The following NUTM1 variants were observed in gnomAD, a reference collection of about 807,000 sequenced individuals.
NUTM1 encodes NUT family member 1.
A neutral mutation model predicts 88.7 loss-of-function variants in NUTM1; 39 were observed. That is an observed-to-expected ratio of 0.44 (90% CI 0.34 to 0.57). The LOEUF (loss-of-function observed/expected upper bound fraction) is 0.57. Among genes scored for constraint, NUTM1 ranks in the 20% least tolerant of loss-of-function variants. The probability of loss-of-function intolerance (pLI) is 0.01; values close to 1 mark genes in which losing one functional copy is unlikely to be tolerated. For synonymous variants in NUTM1, 494 were observed against 538.0 expected (o/e 0.92, Z 1.13); for missense variants, 1,350 against 1,414.5 (o/e 0.95, Z 0.73).
Position 34,356,772 on chromosome 15 carries a change from C to G in NUTM1, c.2764C>G (p.Leu922Val). ...GAGCAGAGGCAATTCCTTTTCTCCT[C>G]TGTTGGAAACCATAGAACCTGTCAA... The part of the protein sequence containing the change: ...AGSRGNSFSP[L>V]LETIEPVNIL... The change falls in exon 8 of 8, where the codon CTG becomes GTG. Residue 922 changes from leucine (L) to valine (V), a missense_variant. This residue lies in a region of NUTM1 where 730 missense variants were observed against 728.8 expected (regional missense o/e 1.00). Coordinates refer to ENST00000537011, the MANE Select transcript of NUTM1 (RefSeq NM_001284292.2). 1 of 1,612,322 alleles carries G rather than the reference C, an allele frequency of 6.2e-7. No homozygotes were observed. Among genetic ancestry groups the G allele is most frequent in the Non-Finnish European group, 8.5e-7 (1 of 1,179,520 alleles).
In NUTM1 at chr15:34,357,732, A is replaced by G. The variant is rs1890848510; in HGVS notation, c.*241A>G. The G allele has an allele frequency of 6.0e-6, 4 of 670,846 alleles. No individual in the cohort carries two copies. In the South Asian group the frequency reaches 6.5e-5, roughly 11 times the overall value. The allele number at this position is 670,846 out of a possible 1,614,324, so 41.6% of individuals were successfully genotyped here. On this transcript the variant is annotated 3_prime_UTR_variant, in exon 8 of 8. Coordinates refer to ENST00000537011, the MANE Select transcript of NUTM1 (RefSeq NM_001284292.2). ...AATGAATAAAGTGTTTTGTTGGAAA[A>G]TGCTCTCAGAGTGCCCTTTTTCTGT...
In NUTM1 at chr15:34,355,357, C is replaced by G; in HGVS notation, c.1480-131C>G. The G allele has an allele frequency of 4.7e-6, 4 of 843,790 alleles. No homozygotes were observed. Among genetic ancestry groups the G allele is most frequent in the Non-Finnish European group, 7.5e-6 (4 of 530,460 alleles). The allele number at this position is 843,790 out of a possible 1,614,324, so 52.3% of individuals were successfully genotyped here. A position where few individuals can be genotyped will look rare whatever the true frequency, so the allele number is the denominator to read the frequency against. ...AGAAGGTGGGAAAGAGCTGCAGTAT[C>G]TGTCTTTGCTACCATCGCTTAAACT... is the stretch of plus-strand genomic sequence containing the variant. On this transcript the variant is annotated intron_variant, in intron 7 of 7. Transcript: ENST00000537011. The surrounding 1 kb of genome is among the most constrained non-coding windows in gnomAD (Gnocchi z 4.3).
Position 34,357,132 on chromosome 15 carries a change from G to T in NUTM1, c.3124G>T (p.Asp1042Tyr). 6.2e-7 allele frequency: 1 copy of T among 1,614,154 alleles called. No homozygotes were observed. Among genetic ancestry groups the T allele is most frequent in the Non-Finnish European group, 8.5e-7 (1 of 1,180,026 alleles). ...AAAGAAAAAGGAAGCAGAGGAAGAG[G>T]ATGAGGAACTCTCCAACTTTGCTTA... ...EKKKKEAEEE[D>Y]EELSNFAYLL... Residue 1042 changes from aspartate to tyrosine, a missense_variant, in exon 8 of 8, where the codon GAT becomes TAT. Asp to Tyr is a radical substitution (Grantham distance 160). Around this residue, in one of 5 missense-constraint regions of NUTM1, gnomAD observed 730 missense variants for 728.8 expected, o/e 1.00. Coordinates refer to ENST00000537011, the MANE Select transcript of NUTM1 (RefSeq NM_001284292.2).
rs757253260 is a variant in NUTM1, at chr15:34,356,158, G to T, written c.2150G>T (p.Trp717Leu). ...VPWEGSSGAM[W>L]GDDRGTPMAQ... is the part of the protein sequence containing the mutation. ...TGGGAAGGCTCTTCAGGAGCCATGT[G>T]GGGAGATGACAGAGGTACCCCCATG... The change falls in exon 8 of 8, where the codon TGG (tryptophan) becomes TTG (leucine). Residue 717 changes from tryptophan to leucine, a missense_variant. Physicochemically the swap from Trp to Leu is moderately conservative, Grantham distance 61 (BLOSUM62 -2). Coordinates refer to ENST00000537011, the MANE Select transcript of NUTM1 (RefSeq NM_001284292.2). 9 of 1,612,080 alleles carry T rather than the reference G, an allele frequency of 5.6e-6. No homozygotes were observed. Among genetic ancestry groups the T allele is most frequent in the African/African-American group, 1.3e-5 (1 of 74,876 alleles).
rs934630612 is a variant in NUTM1 at position 34,343,573 on chromosome 15, T to A, written c.-124T>A. 16 of 1,532,842 alleles carry A rather than the reference T, an allele frequency of 1.0e-5. No individual in the cohort carries two copies. The East Asian group carries it at 3.9e-4, about 38-fold the overall frequency. 95.0% of individuals were successfully genotyped at this position (1,532,842 alleles called of 1,614,324 possible). A position where few individuals can be genotyped will look rare whatever the true frequency, so the allele number is the denominator to read the frequency against. Reference sequence around the variant, plus strand: ...AGCGTTGGCGGTAAAGAATGCATGTTGAGTATCAATATTCCGTAAAGCGAA... The same window carrying A: ...AGCGTTGGCGGTAAAGAATGCATGTAGAGTATCAATATTCCGTAAAGCGAA... On this transcript the variant is annotated 5_prime_UTR_variant, in exon 1 of 8. It introduces an in-frame stop codon into an upstream open reading frame of the 5' UTR. Coordinates refer to ENST00000537011, the MANE Select transcript of NUTM1 (RefSeq NM_001284292.2).
At position 34,354,446 on chromosome 15, in the gene NUTM1, T is replaced by G. The variant is rs1194652189; in HGVS notation, c.1076T>G (p.Val359Gly). The change falls in exon 6 of 8, where the codon GTG (valine) becomes GGG (glycine). Residue 359 changes from valine (V) to glycine (G), a missense_variant and splice_region_variant. By Grantham distance (109) the Val-to-Gly change is moderately radical. Coordinates refer to ENST00000537011, the MANE Select transcript of NUTM1 (RefSeq NM_001284292.2). ...TTCTCCTGTCCATCTCTTCCCTTAG[T>G]GTACATTCCGAAGAAGGCAGCCTCC... is the stretch of plus-strand genomic sequence containing the variant. ...PLASEVCQQP[V>G]YIPKKAASKT... 5.0e-6 allele frequency: 8 copies of G among 1,613,736 alleles called. No homozygotes were observed. Among genetic ancestry groups the G allele is most frequent in the Non-Finnish European group, 6.8e-6 (8 of 1,179,932 alleles).
intron 2 of NUTM1, among the ~76,000 whole-genome samples, chr15:34,347,710 G>T (rs373847635): frequency 1.3e-5 from 2 of 152,034 alleles, no homozygotes; most frequent in African/African-American, 4.8e-5. Context: ...AAAGTTAGCC[G>T]GGCGTGGTGG....
Position 34,348,110 on chromosome 15 carries a change from C to T in NUTM1, c.242C>T (p.Ser81Leu). The T allele has an allele frequency of 6.2e-7, 1 of 1,614,156 alleles. No homozygotes were observed. The highest frequency in any genetic ancestry group is 8.5e-7 in the Non-Finnish European group (1 of 1,180,022). Residue 81 changes from serine to leucine, a missense_variant, in exon 3 of 8, where the codon TCA (serine) becomes TTA (leucine). Physicochemically the swap from Ser to Leu is moderately radical, Grantham distance 145 (BLOSUM62 -2). This residue lies in a region of NUTM1 where 399 missense variants were observed against 397.9 expected (regional missense o/e 1.00). Transcript: ENST00000537011. ...REPPPQPIMP[S>L]VFSPDNPLML... is the part of the protein sequence containing the mutation. ...CCACCTCCACAGCCCATCATGCCTT[C>T]AGTATTCTCTCCAGACAACCCTCTG...
rs111331130 is a variant in NUTM1 at position 34,352,464 on chromosome 15, A to G, written c.939-1272A>G. Reference sequence around the variant, plus strand: ...TAAGTTAAACAAGCCTATATTGAGCACTGCTGTGTACAATCCATGAAGCTG... The same window carrying G: ...TAAGTTAAACAAGCCTATATTGAGCGCTGCTGTGTACAATCCATGAAGCTG... On this transcript the variant is annotated intron_variant, in intron 4 of 7. Transcript: ENST00000537011. Among the ~76,000 whole-genome samples, 103 of 152,186 alleles carry G rather than the reference A, an allele frequency of 6.8e-4. 1 individual carries two copies. The highest frequency in any genetic ancestry group is 2.3e-3 in the African/African-American group (97 of 41,510).
At chr15:34,352,174 A>AAAAG (rs992521691) in intron 4 of NUTM1, among the ~76,000 whole-genome samples, 1 of 152,218 alleles carries the variant, frequency 6.6e-6, no homozygotes, top group African/African-American at 2.4e-5. Context: ...CTGTCTCAAA[A>AAAAG]AAAGAAAGAA....
In NUTM1 at chr15:34,348,031, G is replaced by A. The variant is rs1555394247; in HGVS notation, c.163G>A (p.Ala55Thr). 1.7e-5 allele frequency: 27 copies of A among 1,613,912 alleles called. No homozygotes were observed. Among genetic ancestry groups the A allele is most frequent in the African/African-American group, 8.0e-5 (6 of 74,990 alleles). Residue 55 changes from alanine to threonine, a missense_variant, in exon 3 of 8, where the codon GCA becomes ACA. Physicochemically the swap from Ala to Thr is moderately conservative, Grantham distance 58 (BLOSUM62 0). Coordinates refer to ENST00000537011, the MANE Select transcript of NUTM1 (RefSeq NM_001284292.2). ...KPSAAPSPSP[A>T]LPFLPPTSDP... is the part of the protein sequence containing the mutation. ...TAGTGCCGCCCCGTCTCCATCCCCT[G>A]CACTTCCCTTTCTCCCACCAACTTC... is the stretch of plus-strand genomic sequence containing the variant.
chr15:34,345,858 A>G, intron 1 of NUTM1, 84 bp from the exon 2 acceptor site: 1 of 1,536,414 alleles, frequency 6.5e-7, no homozygotes, highest in Non-Finnish European at 8.8e-7. Flanking sequence ...CCACAGCAGA[A>G]TGCCTTGAGT....
At chr15:34,346,081 C>T in intron 2 of NUTM1, 46 bp downstream of exon 2, 26 of 1,585,192 alleles carry the variant, frequency 1.6e-5, no homozygotes, top group Non-Finnish European at 2.3e-5. Context: ...CTGCTCATAT[C>T]CTTTGAGACA....
chr15:34,352,999 C>T (rs1890736853), intron 4 of NUTM1, among the ~76,000 whole-genome samples: 1 of 148,874 alleles, frequency 6.7e-6, no homozygotes, highest in Non-Finnish European at 1.5e-5. Context: ...GATTCTCCTG[C>T]CTAAGCCTCC....
chr15:34,355,268 G>T lies in NUTM1; in HGVS notation c.1479+131G>T, dbSNP rs1012817582. 3 of 757,482 alleles carry T rather than the reference G, an allele frequency of 4.0e-6. No homozygotes were observed. The highest frequency in any genetic ancestry group is 6.8e-6 in the Non-Finnish European group (3 of 444,428). The allele number at this position is 757,482 out of a possible 1,614,324, so 46.9% of individuals were successfully genotyped here. On this transcript the variant is annotated intron_variant, in intron 7 of 7. Transcript: ENST00000537011. The surrounding 1 kb of genome is among the most constrained non-coding windows in gnomAD (Gnocchi z 4.3). ...TGGGCTTCAGGTGCAGAACGAGTAG[G>T]TAGAGGGCTATGGAAACACAGGAAA...
In NUTM1 at chr15:34,348,384, C is replaced by T. The variant is rs974281366; in HGVS notation, c.516C>T (p.Pro172=). Residue 172 remains proline, a synonymous_variant, in exon 3 of 8, where the codon CCC becomes CCT. Transcript: ENST00000537011. ...CATCTAATGTGAAGACCATTCTGCC[C>T]TCTAAGGCTGTTGGTGTCAGCCAGG... ...VTASNVKTIL[P]SKAVGVSQEG... 5 of 1,614,258 alleles carry T rather than the reference C, an allele frequency of 3.1e-6. No individual in the cohort carries two copies. Among genetic ancestry groups the T allele is most frequent in the Non-Finnish European group, 4.2e-6 (5 of 1,180,042 alleles).
Position 34,357,278 on chromosome 15 carries a change from C to T in NUTM1, c.3270C>T (p.Pro1090=). 6.2e-7 allele frequency: 1 copy of T among 1,614,098 alleles called. No homozygotes were observed. ...TGCTCCCTGCTGGAGCAAAAGGCCC[C>T]AGCAAACTTCCATATCCTGTTGCCA... ...SHLLPAGAKG[P]SKLPYPVAKS... Residue 1090 remains proline (P), a synonymous_variant, in exon 8 of 8, where the codon CCC becomes CCT. Transcript: ENST00000537011.
Position 34,353,785 on chromosome 15 carries a change from A to G in NUTM1, c.988A>G (p.Met330Val). The change falls in exon 5 of 8, where the codon ATG becomes GTG. Residue 330 changes from methionine to valine, a missense_variant. Around this residue, in one of 5 missense-constraint regions of NUTM1, gnomAD observed 6 missense variants for 21.9 expected, o/e 0.27. Transcript: ENST00000537011. ...GATGCAGATTCAGAACACACAGCTG[A>G]TGAATGGGTCTCAGGGCCTGTCTCC... Reference protein sequence around the residue: ...EEMQIQNTQLMNGSQGLSPAT... With the variant: ...EEMQIQNTQLVNGSQGLSPAT... 1 of 1,614,098 alleles carries G rather than the reference A, an allele frequency of 6.2e-7. No individual in the cohort carries two copies. Among genetic ancestry groups the G allele is most frequent in the Non-Finnish European group, 8.5e-7 (1 of 1,179,976 alleles).
In NUTM1 at chr15:34,348,327, C is replaced by T. The variant is rs574609632; in HGVS notation, c.459C>T (p.Gly153=). The part of the protein sequence containing the change: ...NSTAPGTPCG[G]LEGPAPPFVT... Reference sequence around the variant, plus strand: ...CTGCCCCGGGCACTCCCTGTGGAGGCCTTGAGGGTCCTGCACCTCCATTTG... The same window carrying T: ...CTGCCCCGGGCACTCCCTGTGGAGGTCTTGAGGGTCCTGCACCTCCATTTG... The change falls in exon 3 of 8, where the codon GGC becomes GGT. Residue 153 remains glycine, a synonymous_variant. Transcript: ENST00000537011. 118 of 1,614,216 alleles carry T rather than the reference C, an allele frequency of 7.3e-5. 1 individual carries two copies. The highest frequency in any genetic ancestry group is 4.8e-4 in the Admixed American group (29 of 60,032).
Sources: gnomAD v4.1 joint callset for allele counts (sites outside exome capture counted in the v4.1 genomes callset) on GRCh38, gnomAD v4.1.1 for gene constraint, gnomAD v4.1.1 regional missense constraint, Gnocchi (gnomAD v3.1) non-coding constraint, MANE v1.5 for transcripts, NCBI Gene and HGNC (gene_info 2026-07-23, HGNC 2026-07-21) for gene names.